The following MAPK10 variants were observed in gnomAD, a reference collection of about 807,000 sequenced individuals.
MAPK10 encodes mitogen-activated protein kinase 10, also known as JNK3 alpha protein kinase.
Under a neutral mutation model 59.3 loss-of-function variants are expected in MAPK10, and 25 were observed. That is an observed-to-expected ratio of 0.42 (90% CI 0.31 to 0.59). The LOEUF (loss-of-function observed/expected upper bound fraction) is 0.59. Ranked by LOEUF, MAPK10 falls within the 20% of genes least tolerant of loss-of-function variation. The probability of loss-of-function intolerance (pLI) is 0.15; values close to 1 mark genes in which losing one functional copy is unlikely to be tolerated. For synonymous variants in MAPK10, 190 were observed against 200.5 expected (o/e 0.95, Z 0.44); for missense variants, 351 against 568.9 (o/e 0.62, Z 3.90).
At chr4:86,273,422 G>T (rs1036543388) in intron 2 of MAPK10, among the ~76,000 whole-genome samples, 5 of 151,818 alleles carry the variant, frequency 3.3e-5, no homozygotes, top group African/African-American at 1.2e-4. Flanking sequence ...TTTCATTTTA[G>T]CATGGATATG....
chr4:86,271,813 A>G (rs1014743643), intron 2 of MAPK10, among the ~76,000 whole-genome samples: 3 of 152,034 alleles, frequency 2.0e-5, no homozygotes, highest in Non-Finnish European at 4.4e-5. Context: ...ACTCACTATC[A>G]TAGGAACAGC....
chr4:86,399,519 T>C (rs1377197940), intron 1 of MAPK10, among the ~76,000 whole-genome samples: 1 of 152,178 alleles, frequency 6.6e-6, no homozygotes, highest in Non-Finnish European at 1.5e-5. Flanking sequence ...ATTCTGTAGG[T>C]TGTCTGTTTA....
intron 4 of MAPK10, among the ~76,000 whole-genome samples, chr4:86,109,143 G>T (rs558814626): frequency 1.3e-5 from 2 of 152,116 alleles, no homozygotes; most frequent in Non-Finnish European, 2.9e-5. Context: ...CAACAATCCT[G>T]TTCTGACATT....
At chr4:86,018,362 A>AC (rs1210878723) in intron 13 of MAPK10, among the ~76,000 whole-genome samples, 3 of 152,114 alleles carry the variant, frequency 2.0e-5, no homozygotes, top group African/African-American at 7.2e-5. Flanking sequence ...TTACAAAAAA[A>AC]AAAAAAATAG....
At chr4:86,195,293 T>C (rs113955933) in intron 2 of MAPK10, among the ~76,000 whole-genome samples, 22 of 152,336 alleles carry the variant, frequency 1.4e-4, no homozygotes, top group African/African-American at 4.6e-4. Flanking sequence ...GATTAAACCA[T>C]TTAAAAACAC....
intron 3 of MAPK10, among the ~76,000 whole-genome samples, chr4:86,177,664 C>T (rs574352169): frequency 6.6e-6 from 1 of 152,122 alleles, no homozygotes; most frequent in African/African-American, 2.4e-5. Flanking sequence ...TCCATGGACA[C>T]TCCAGACACT....
intron 2 of MAPK10, among the ~76,000 whole-genome samples, chr4:86,301,387 G>C (rs1338266447): frequency 6.6e-6 from 1 of 151,456 alleles, no homozygotes; most frequent in Non-Finnish European, 1.5e-5. Flanking sequence ...GCCACCAAAA[G>C]CTATTATTAA....
At chr4:86,525,094 G>A (rs945844522) in intron 1 of MAPK10, among the ~76,000 whole-genome samples, 2 of 151,980 alleles carry the variant, frequency 1.3e-5, no homozygotes, top group African/African-American at 2.4e-5. Context: ...GCTCGAGTTC[G>A]AGACCAGCCT....
chr4:86,520,349 T>G (rs1757023953), intron 1 of MAPK10, among the ~76,000 whole-genome samples: 1 of 152,074 alleles, frequency 6.6e-6, no homozygotes, highest in African/African-American at 2.4e-5. Context: ...TGAATTAACT[T>G]GAAAGCCTTG....
At chr4:86,284,230 G>A (rs2094920881) in intron 2 of MAPK10, among the ~76,000 whole-genome samples, 1 of 152,072 alleles carries the variant, frequency 6.6e-6, no homozygotes, top group Non-Finnish European at 1.5e-5. Context: ...AAAAAACTAA[G>A]GCTTAAAAGA....
At chr4:86,479,926 G>A (rs571042763) in intron 1 of MAPK10, among the ~76,000 whole-genome samples, 32 of 151,448 alleles carry the variant, frequency 2.1e-4, no homozygotes, top group East Asian at 9.8e-4. Context: ...AGGTTCCCAC[G>A]CCACCCCTAA....
intron 5 of MAPK10, among the ~76,000 whole-genome samples, chr4:86,105,866 TA>T (rs1437262427): frequency 6.6e-6 from 1 of 152,142 alleles, no homozygotes; most frequent in Non-Finnish European, 1.5e-5. Flanking sequence ...TTGGCCTATT[TA>T]AAAGGGTAAA....
chr4:86,536,272 T>C (rs1174070676), intron 1 of MAPK10, among the ~76,000 whole-genome samples: 7 of 152,208 alleles, frequency 4.6e-5, no homozygotes, highest in Non-Finnish European at 1.0e-4. Flanking sequence ...CTTTGGACAC[T>C]TTTGCCTTTC....
intron 4 of MAPK10, among the ~76,000 whole-genome samples, chr4:86,141,520 GT>G (rs1260057018): frequency 6.6e-6 from 1 of 152,122 alleles, no homozygotes; most frequent in Non-Finnish European, 1.5e-5. Flanking sequence ...AAGACTATCA[GT>G]TATAGAATGC....
At chr4:86,526,220 G>GT (rs541926854) in intron 1 of MAPK10, among the ~76,000 whole-genome samples, 18 of 152,168 alleles carry the variant, frequency 1.2e-4, no homozygotes, top group African/African-American at 3.6e-4. Flanking sequence ...GGGATGGTAG[G>GT]TTTTTTTATT....
intron 1 of MAPK10, among the ~76,000 whole-genome samples, chr4:86,372,466 G>A (rs1023762951): frequency 4.7e-5 from 7 of 149,846 alleles, no homozygotes; most frequent in Non-Finnish European, 1.0e-4. Context: ...GCAGCGAGCT[G>A]AGATGACACC....
chr4:86,075,327 C>A lies in MAPK10; in HGVS notation c.803-7372G>T, dbSNP rs567441994. ...TTTTTCAAAGTTTTTAACTTCTTTG[C>A]CTTTGGTTTGAATGTCCTCCCGTAG... On this transcript the variant is annotated intron_variant, in intron 9 of 13. Transcript: ENST00000641462. Among the ~76,000 whole-genome samples, 230 of 152,076 alleles carry A rather than the reference C, an allele frequency of 1.5e-3. 2 individuals carry two copies. The highest frequency in any genetic ancestry group is 6.8e-3 in the Middle Eastern group (2 of 294).
chr4:86,490,350 A>C (rs1480580881), intron 1 of MAPK10, among the ~76,000 whole-genome samples: 1 of 152,180 alleles, frequency 6.6e-6, no homozygotes, highest in African/African-American at 2.4e-5. Context: ...TCTGGGCCTC[A>C]CTTCTTCACA....
intron 1 of MAPK10, among the ~76,000 whole-genome samples, chr4:86,503,250 T>C (rs1386409700): frequency 1.3e-5 from 2 of 152,156 alleles, no homozygotes; most frequent in Non-Finnish European, 2.9e-5. Context: ...TCTCTGGCTC[T>C]ATATTCCTTC....
Sources: allele counts gnomAD v4.1 joint callset (sites outside exome capture counted in the v4.1 genomes callset), GRCh38; gene constraint gnomAD v4.1.1; transcripts MANE v1.5; gene names NCBI Gene and HGNC (gene_info 2026-07-23, HGNC 2026-07-21).